Variants in RGPD4 observed in about 807,000 individuals in gnomAD.
The protein encoded by RGPD4 is RANBP2 like and GRIP domain containing 4.
RGPD4 carries 84 observed loss-of-function variants against 141.1 expected under a neutral mutation model. That is an observed-to-expected ratio of 0.60 (90% CI 0.50 to 0.71). The LOEUF (loss-of-function observed/expected upper bound fraction) is 0.71, where lower values mean the gene tolerates loss of function less well. Ranked by LOEUF, RGPD4 falls within the 30% of genes least tolerant of loss-of-function variation. The pLI, the probability that RGPD4 is intolerant of heterozygous loss-of-function variation, is 0.00. For synonymous variants in RGPD4, 298 were observed against 566.8 expected, an observed-to-expected ratio of 0.53 and a Z score of 6.74; for missense variants, 918 against 1,622.4, an observed-to-expected ratio of 0.57 and a Z score of 7.46.
rs1682825646 is a variant in RGPD4 at position 107,869,082 on chromosome 2, C to T, written c.2606-801C>T. 3.3e-5 allele frequency among the ~76,000 whole-genome samples: 2 copies of T among 61,402 alleles called. 1 individual carries two copies. Among genetic ancestry groups the T allele is most frequent in the East Asian group, 4.8e-4 (2 of 4,162 alleles). The allele number at this position is 61,402 out of a possible 152,430, so 40.3% of individuals were successfully genotyped here. On this transcript the variant is annotated intron_variant, in intron 18 of 22. Transcript: ENST00000408999. Reference sequence around the variant, plus strand: ...TCCAAAATCAAACTTGGGCTTCTGGCTAGCCTTTTCTGGGTCTTGATTTTT... The same window carrying T: ...TCCAAAATCAAACTTGGGCTTCTGGTTAGCCTTTTCTGGGTCTTGATTTTT...
chr2:107,882,642 C>G, intron 21 of RGPD4, 30 bp from the exon 22 acceptor site: 3 of 1,586,950 alleles, frequency 1.9e-6, no homozygotes, highest in Non-Finnish European at 2.6e-6. Flanking sequence ...GCTCCTAAAG[C>G]CCATTTTTAA....
intron 6 of RGPD4, among the ~76,000 whole-genome samples, chr2:107,844,917 C>A (rs1681869119): frequency 8.7e-6 from 1 of 114,620 alleles, no homozygotes; most frequent in East Asian, 2.4e-4. Context: ...CTCACTGTAA[C>A]CTCTGCCTCC....
intron 6 of RGPD4, among the ~76,000 whole-genome samples, chr2:107,846,535 C>G (rs1294506014): frequency 6.6e-6 from 1 of 150,660 alleles, no homozygotes; most frequent in Admixed American, 6.6e-5. Context: ...AGTGTGATCT[C>G]GGATCACTGC....
chr2:107,871,038 G>T lies in RGPD4; in HGVS notation c.3034G>T (p.Ala1012Ser), dbSNP rs1312420300. 1.2e-6 allele frequency: 2 copies of T among 1,611,112 alleles called. No homozygotes were observed. The highest frequency in any genetic ancestry group is 2.2e-5 in the East Asian group (1 of 44,858). ...ATTCTCATCACAATGCGGTAAAATG[G>T]CCAATAAAGCAAACACTTCCGGTGA... ...KLFSSQCGKM[A>S]NKANTSGDFE... The change falls in exon 20 of 23, where the codon GCC becomes TCC. Residue 1012 changes from alanine (A) to serine (S), a missense_variant. Coordinates refer to ENST00000408999, the MANE Select transcript of RGPD4 (RefSeq NM_182588.3).
At chr2:107,874,706 T>C (rs1237653644) in intron 20 of RGPD4, among the ~76,000 whole-genome samples, 1 of 150,138 alleles carries the variant, frequency 6.7e-6, no homozygotes, top group East Asian at 2.0e-4. Context: ...AGAGCCTTAT[T>C]CTGTTTTGAA....
Position 107,880,503 on chromosome 2 carries a change from T to C in RGPD4, c.5064+396T>C, listed in dbSNP as rs1474202577. Among the ~76,000 whole-genome samples the C allele has an allele frequency of 2.6e-5, 4 of 151,730 alleles. No homozygotes were observed. In the East Asian group the frequency reaches 7.7e-4, roughly 29 times the overall value. Reference sequence around the variant, plus strand: ...TGGTCTCGATCTCCTGACCTCATGATCCACCTGCCTTGGCCTCCCAAAGTG... The same window carrying C: ...TGGTCTCGATCTCCTGACCTCATGACCCACCTGCCTTGGCCTCCCAAAGTG... On this transcript the variant is annotated intron_variant, in intron 21 of 22. Coordinates refer to ENST00000408999, the MANE Select transcript of RGPD4 (RefSeq NM_182588.3).
rs1682897133 is a variant in RGPD4 at position 107,871,148 on chromosome 2, A to G, written c.3144A>G (p.Val1048=). The part of the protein sequence containing the change: ...FEPVVQMPEK[V]ELVIGEEGEK... Reference sequence around the variant, plus strand: ...CAGTAGTTCAAATGCCTGAAAAAGTAGAACTTGTAATAGGAGAAGAAGGTG... The same window carrying G: ...CAGTAGTTCAAATGCCTGAAAAAGTGGAACTTGTAATAGGAGAAGAAGGTG... The change falls in exon 20 of 23, where the codon GTA becomes GTG. Residue 1048 remains valine (V), a synonymous_variant. Coordinates refer to ENST00000408999, the MANE Select transcript of RGPD4 (RefSeq NM_182588.3). The G allele has an allele frequency of 6.2e-7, 1 of 1,610,868 alleles. No homozygotes were observed. The highest frequency in any genetic ancestry group is 8.5e-7 in the Non-Finnish European group (1 of 1,179,790).
intron 6 of RGPD4, among the ~76,000 whole-genome samples, chr2:107,844,133 G>C (rs1270417287): frequency 6.6e-6 from 1 of 150,982 alleles, no homozygotes; most frequent in Admixed American, 6.6e-5. Context: ...TAAGCACTTA[G>C]CATCACTGGT....
At chr2:107,883,875 C>A (rs970022654) in intron 22 of RGPD4, among the ~76,000 whole-genome samples, 45 of 152,146 alleles carry the variant, frequency 3.0e-4, no homozygotes, top group Non-Finnish European at 6.5e-4. Context: ...TCACCCATCT[C>A]TAACAGTTTT....
In RGPD4 at chr2:107,872,622, G is replaced by T; in HGVS notation, c.4618G>T (p.Val1540Leu). ...TKAVVSPPKF[V>L]FGSESVKRIF... is the part of the protein sequence containing the mutation. ...AGCAGTGGTTTCTCCTCCAAAGTTT[G>T]TATTTGGTTCAGAGTCTGTTAAAAG... Residue 1540 changes from valine to leucine, a missense_variant, in exon 20 of 23, where the codon GTA becomes TTA. Transcript: ENST00000408999. The T allele has an allele frequency of 1.2e-6, 2 of 1,606,066 alleles. No homozygotes were observed. Among genetic ancestry groups the T allele is most frequent in the African/African-American group, 1.4e-5 (1 of 72,364 alleles).
intron 1 of RGPD4, among the ~76,000 whole-genome samples, chr2:107,834,361 C>T (rs1164566916): frequency 7.3e-5 from 11 of 150,116 alleles, no homozygotes; most frequent in Middle Eastern, 3.2e-3. Context: ...CTGCGTCACC[C>T]GTGGTCCAAA....
intron 20 of RGPD4, among the ~76,000 whole-genome samples, chr2:107,878,258 A>G (rs559958525): frequency 1.3e-5 from 2 of 151,556 alleles, no homozygotes; most frequent in Admixed American, 1.3e-4. Context: ...ATTTTGAACA[A>G]TCTCACACTT....
intron 21 of RGPD4, among the ~76,000 whole-genome samples, chr2:107,882,230 C>G (rs1675386821): frequency 6.6e-6 from 1 of 151,626 alleles, no homozygotes; most frequent in Non-Finnish European, 1.5e-5. Context: ...AGCTGCTGGA[C>G]TGACTCATTT....
chr2:107,883,700 G>T (rs1675434355), intron 22 of RGPD4, among the ~76,000 whole-genome samples: 2 of 147,194 alleles, frequency 1.4e-5, no homozygotes. Context: ...ATTTAATACT[G>T]TGATGTCATT....
At chr2:107,878,174 G>A (rs950311194) in intron 20 of RGPD4, among the ~76,000 whole-genome samples, 2 of 151,346 alleles carry the variant, frequency 1.3e-5, no homozygotes, top group Admixed American at 6.6e-5. Flanking sequence ...TTATCTTATA[G>A]TTACTTAATT....
chr2:107,882,973 C>G (rs1675408702), intron 22 of RGPD4, 100 bp downstream of exon 22: 8 of 760,094 alleles, frequency 1.1e-5, no homozygotes, highest in African/African-American at 1.8e-5. Context: ...CAATTTTGCT[C>G]ATTTGAATTG....
intron 1 of RGPD4, among the ~76,000 whole-genome samples, chr2:107,831,572 C>CTTT (rs1166609493): frequency 4.6e-4 from 50 of 108,826 alleles, no homozygotes; most frequent in East Asian, 1.0e-3. Flanking sequence ...CTTTTCTTTT[C>CTTT]TTTTTTTTTT....
chr2:107,857,677 C>A (rs1170997432), intron 9 of RGPD4, among the ~76,000 whole-genome samples: 2 of 151,786 alleles, frequency 1.3e-5, no homozygotes, highest in Non-Finnish European at 2.9e-5. Context: ...TCAAGTGATC[C>A]TCCTGCCTAA....
At chr2:107,833,410 G>A (rs1294662260) in intron 1 of RGPD4, among the ~76,000 whole-genome samples, 1 of 151,688 alleles carries the variant, frequency 6.6e-6, no homozygotes, top group Non-Finnish European at 1.5e-5. Context: ...TTGATATTTG[G>A]CAGCTTAAGT....
Sources: allele counts gnomAD v4.1 joint callset (sites outside exome capture counted in the v4.1 genomes callset), GRCh38; gene constraint gnomAD v4.1.1; transcripts MANE v1.5; gene names NCBI Gene and HGNC (gene_info 2026-07-23, HGNC 2026-07-21).